Variants in PROS1 observed in about 807,000 individuals in gnomAD.
PROS1 encodes the protein vitamin K-dependent protein S.
PROS1 carries 29 observed loss-of-function variants against 75.9 expected under a neutral mutation model. That is an observed-to-expected ratio of 0.38 (90% CI 0.28 to 0.52). The LOEUF (loss-of-function observed/expected upper bound fraction) is 0.52, where lower values mean the gene tolerates loss of function less well. Among genes scored for constraint, PROS1 ranks in the 20% least tolerant of loss-of-function variants. The probability of loss-of-function intolerance (pLI) is 0.83; values close to 1 mark genes in which losing one functional copy is unlikely to be tolerated. For synonymous variants in PROS1, 245 were observed against 280.6 expected (o/e 0.87, Z 1.27); for missense variants, 680 against 810.3 (o/e 0.84, Z 1.95).
rs538884727 is a variant in PROS1, at chr3:93,888,461, T to C, written c.1156-1958A>G. Among the ~76,000 whole-genome samples the C allele has an allele frequency of 2.0e-5, 3 of 152,326 alleles. No homozygotes were observed. In the East Asian group the frequency reaches 5.8e-4, roughly 29 times the overall value. ...AATAATGACAGAATTATTTTGGTTT[T>C]GATTGGGTATATGTGAAGGTAGTTT... On this transcript the variant is annotated intron_variant, in intron 10 of 14. Coordinates refer to ENST00000394236, the MANE Select transcript of PROS1 (RefSeq NM_000313.4).
At chr3:93,926,942 C>A (rs1271846285) in intron 2 of PROS1, among the ~76,000 whole-genome samples, 5 of 148,152 alleles carry the variant, frequency 3.4e-5, no homozygotes, top group Non-Finnish European at 6.0e-5. Flanking sequence ...CTCCCCTCCC[C>A]CTAACACTAT....
intron 6 of PROS1, among the ~76,000 whole-genome samples, chr3:93,902,272 T>C (rs1708607364): frequency 6.6e-6 from 1 of 152,136 alleles, no homozygotes; most frequent in South Asian, 2.1e-4. Flanking sequence ...CACTCCATCC[T>C]GGGCAACAGA....
At chr3:93,915,859 G>T (rs1243503665) in intron 3 of PROS1, among the ~76,000 whole-genome samples, 1 of 151,964 alleles carries the variant, frequency 6.6e-6, no homozygotes, top group Non-Finnish European at 1.5e-5. Context: ...TGCTCCTCCA[G>T]ATTCTTCCAG....
At chr3:93,898,166 A>C (rs1708531095) in intron 8 of PROS1, among the ~76,000 whole-genome samples, 1 of 152,104 alleles carries the variant, frequency 6.6e-6, no homozygotes, top group Admixed American at 6.5e-5. Context: ...TGATTTCTTA[A>C]GTAAACATAC....
At chr3:93,877,841 T>C in intron 13 of PROS1, among the ~76,000 whole-genome samples, 1 of 152,186 alleles carries the variant, frequency 6.6e-6, no homozygotes, top group Non-Finnish European at 1.5e-5. Flanking sequence ...TTATATGGCA[T>C]AGAGGAAAGT....
In PROS1 at chr3:93,910,684, G is replaced by A. The variant is rs1377930462; in HGVS notation, c.281C>T (p.Thr94Ile). 8 of 1,613,222 alleles carry A rather than the reference G, an allele frequency of 5.0e-6. No homozygotes were observed. Among genetic ancestry groups the A allele is most frequent in the Non-Finnish European group, 6.8e-6 (8 of 1,179,530 alleles). Residue 94 changes from threonine to isoleucine, a missense_variant, in exon 4 of 15, where the codon ACT becomes ATT. Transcript: ENST00000394236. The part of the protein sequence containing the change: ...KYLVCLRSFQ[T>I]GLFTAARQST... ...CTGACGTGCAGCAGTGAATAACCCAGTTTGAAAAGAGCGAAGACAAACTGA... is the reference window on the plus strand; with the variant it reads ...CTGACGTGCAGCAGTGAATAACCCAATTTGAAAAGAGCGAAGACAAACTGA...
At chr3:93,921,637 C>G (rs193274777) in intron 3 of PROS1, among the ~76,000 whole-genome samples, 1 of 152,114 alleles carries the variant, frequency 6.6e-6, no homozygotes, top group Non-Finnish European at 1.5e-5. Context: ...AGGAACACAT[C>G]CATTTTATTT....
chr3:93,947,505 G>A (rs1709423002), intron 1 of PROS1, among the ~76,000 whole-genome samples: 1 of 152,040 alleles, frequency 6.6e-6, no homozygotes, highest in Non-Finnish European at 1.5e-5. Context: ...AGGACTTCCA[G>A]TCACTCCAAA....
rs13062355 is a variant in PROS1 at position 93,969,667 on chromosome 3, G to A, written c.76+4007C>T. On this transcript the variant is annotated intron_variant, in intron 1 of 14. Coordinates refer to ENST00000394236, the MANE Select transcript of PROS1 (RefSeq NM_000313.4). ...CACTGTATAGGTCACCTAAATGTTC[G>A]CATTCCTTCTGTAGGCCTGGCTTCT... is the stretch of plus-strand genomic sequence containing the variant. 0.47 allele frequency among the ~76,000 whole-genome samples: 71,329 copies of A among 152,008 alleles called. 17,785 individuals carry two copies. Among genetic ancestry groups the A allele is most frequent in the East Asian group, 0.62 (3,218 of 5,166 alleles).
chr3:93,931,713 GCATA>G (rs1247707950), intron 1 of PROS1, among the ~76,000 whole-genome samples: 1 of 151,656 alleles, frequency 6.6e-6, no homozygotes, highest in African/African-American at 2.4e-5. Flanking sequence ...TTTTCTGGAA[GCATA>G]ATGCCTTCTT....
intron 2 of PROS1, among the ~76,000 whole-genome samples, chr3:93,925,991 G>A (rs1054085104): frequency 2.0e-5 from 3 of 151,916 alleles, no homozygotes; most frequent in Non-Finnish European, 2.9e-5. Context: ...TCCACATCAA[G>A]GTCTTCTCCC....
Position 93,893,129 on chromosome 3 carries a change from A to C in PROS1, c.966-7T>G, listed in dbSNP as rs754439805. The C allele has an allele frequency of 6.2e-7, 1 of 1,607,200 alleles. No individual in the cohort carries two copies. ...ATCAAATTCTGCTGAAAATCTAAACAATGGACAAAGAGAGATCCTTAAGAG... is the reference window on the plus strand; with the variant it reads ...ATCAAATTCTGCTGAAAATCTAAACCATGGACAAAGAGAGATCCTTAAGAG... On this transcript the variant is annotated splice_region_variant and splice_polypyrimidine_tract_variant and intron_variant, in intron 9 of 14. Transcript: ENST00000394236.
intron 1 of PROS1, among the ~76,000 whole-genome samples, chr3:93,948,855 G>T (rs1709446751): frequency 6.6e-6 from 1 of 151,938 alleles, no homozygotes; most frequent in African/African-American, 2.4e-5. Context: ...TTTCCTTTGA[G>T]GTTATTTGCT....
intron 3 of PROS1, among the ~76,000 whole-genome samples, chr3:93,920,073 AT>A (rs1368393856): frequency 2.6e-5 from 4 of 152,078 alleles, no homozygotes; most frequent in Admixed American, 2.6e-4. Flanking sequence ...TCTCAAAAAT[AT>A]TTTTTTAAAC....
chr3:93,954,296 G>A (rs979431017), intron 1 of PROS1, among the ~76,000 whole-genome samples: 2 of 152,154 alleles, frequency 1.3e-5, no homozygotes, highest in East Asian at 1.9e-4. Flanking sequence ...GAACAAAGCT[G>A]GAGGCATCTT....
chr3:93,873,752 A>G lies in PROS1; in HGVS notation c.*493T>C. 1 of 155,870 alleles carries G rather than the reference A, an allele frequency of 6.4e-6. No individual in the cohort carries two copies. The highest frequency in any genetic ancestry group is 1.9e-4 in the South Asian group (1 of 5,134). 9.7% of individuals were successfully genotyped at this position (155,870 alleles called of 1,614,324 possible). ...CCCCCTGAGGAATTGTTTTGAAATAAGGCATTAGGACCCTCCATTCAATTC... is the reference window on the plus strand; with the variant it reads ...CCCCCTGAGGAATTGTTTTGAAATAGGGCATTAGGACCCTCCATTCAATTC... On this transcript the variant is annotated 3_prime_UTR_variant, in exon 15 of 15. Transcript: ENST00000394236.
intron 1 of PROS1, among the ~76,000 whole-genome samples, chr3:93,967,144 C>G (rs1709804202): frequency 6.6e-6 from 1 of 152,214 alleles, no homozygotes; most frequent in Non-Finnish European, 1.5e-5. Context: ...CACCCAGACT[C>G]TCCTTATAAA....
chr3:93,934,396 TG>T (rs1334570809), intron 1 of PROS1, among the ~76,000 whole-genome samples: 1 of 152,132 alleles, frequency 6.6e-6, no homozygotes, highest in Non-Finnish European at 1.5e-5. Flanking sequence ...AACTCAAAGA[TG>T]GGTTTTTATG....
At chr3:93,945,867 T>C (rs542095542) in intron 1 of PROS1, among the ~76,000 whole-genome samples, 1 of 152,314 alleles carries the variant, frequency 6.6e-6, no homozygotes, top group Admixed American at 6.5e-5. Flanking sequence ...GGAAGTCAAA[T>C]TGTCCCTGTG....
Sources: allele counts gnomAD v4.1 joint callset (sites outside exome capture counted in the v4.1 genomes callset), GRCh38; gene constraint gnomAD v4.1.1; transcripts MANE v1.5; gene names NCBI Gene and HGNC (gene_info 2026-07-23, HGNC 2026-07-21).